The following PDE4D variants were observed in gnomAD, a reference collection of about 807,000 sequenced individuals.
The protein encoded by PDE4D is 3',5'-cyclic-AMP phosphodiesterase 4D.
Under a neutral mutation model 87.4 loss-of-function variants are expected in PDE4D, and 24 were observed. The observed-to-expected ratio is 0.27, with a 90% CI of 0.20 to 0.39. PDE4D has a LOEUF of 0.39. PDE4D is among the 10% of genes least tolerant of loss of function. PDE4D has a pLI of 1.00. For missense variants in PDE4D, 714 were observed against 1,041.0 expected (o/e 0.69, Z 4.32); for synonymous variants, 384 against 383.2 (o/e 1.00, Z -0.02).
intron 1 of PDE4D, among the ~76,000 whole-genome samples, chr5:59,778,213 C>T (rs570719044): frequency 9.9e-5 from 15 of 152,218 alleles, no homozygotes; most frequent in African/African-American, 3.1e-4. Flanking sequence ...ATGAAACATG[C>T]GAAGGACACT....
At chr5:60,035,033 A>G (rs974988653) in intron 2 of PDE4D, among the ~76,000 whole-genome samples, 2 of 152,142 alleles carry the variant, frequency 1.3e-5, no homozygotes, top group Non-Finnish European at 2.9e-5. Flanking sequence ...AGGCGGGAGG[A>G]TCACCTGAAG....
At chr5:60,022,009 G>T (rs556815156) in intron 2 of PDE4D, among the ~76,000 whole-genome samples, 2 of 152,252 alleles carry the variant, frequency 1.3e-5, no homozygotes, top group South Asian at 4.1e-4. Context: ...CATCACACCT[G>T]GCTGAATATT....
chr5:59,732,238 C>A (rs1198847755), intron 1 of PDE4D, among the ~76,000 whole-genome samples: 1 of 152,118 alleles, frequency 6.6e-6, no homozygotes, highest in Non-Finnish European at 1.5e-5. Flanking sequence ...TCACTTTCCT[C>A]TTCCTCTGTT....
At chr5:59,278,379 G>A (rs1765215391) in intron 1 of PDE4D, among the ~76,000 whole-genome samples, 1 of 152,040 alleles carries the variant, frequency 6.6e-6, no homozygotes, top group African/African-American at 2.4e-5. Flanking sequence ...GAACCATGTG[G>A]CCCATGCTTT....
chr5:59,943,779 C>G (rs931185869), intron 3 of PDE4D, among the ~76,000 whole-genome samples: 1 of 152,132 alleles, frequency 6.6e-6, no homozygotes, highest in African/African-American at 2.4e-5. Flanking sequence ...GTTCCCTGCC[C>G]CTAAGGAATG....
intron 1 of PDE4D, among the ~76,000 whole-genome samples, chr5:59,581,371 TGTAA>T (rs1335374233): frequency 6.6e-6 from 1 of 152,168 alleles, no homozygotes; most frequent in Non-Finnish European, 1.5e-5. Flanking sequence ...TCAACATTAG[TGTAA>T]GTAACTCAGT....
At position 59,759,560 on chromosome 5, in the gene PDE4D, T is replaced by C. The variant is rs376703840; in HGVS notation, c.455+133608A>G. On this transcript the variant is annotated intron_variant, in intron 1 of 14. Coordinates refer to ENST00000340635, the MANE Select transcript of PDE4D (RefSeq NM_001104631.2). ...CTTAAACATGACAAGCCAATCGGCATGTTCTTTAAAAGGAAAATCTTCCTC... is the reference window on the plus strand; with the variant it reads ...CTTAAACATGACAAGCCAATCGGCACGTTCTTTAAAAGGAAAATCTTCCTC... Among the ~76,000 whole-genome samples the C allele has an allele frequency of 1.8e-4, 27 of 152,326 alleles. No individual in the cohort carries two copies. The East Asian group carries it at 2.7e-3, about 15-fold the overall frequency.
At chr5:59,065,432 C>T (rs1763789257) in intron 5 of PDE4D, among the ~76,000 whole-genome samples, 1 of 151,920 alleles carries the variant, frequency 6.6e-6, no homozygotes, top group East Asian at 1.9e-4. Context: ...ATCAACAATA[C>T]TATATTGTAT....
chr5:60,131,169 T>TAC (rs1779534108), intron 2 of PDE4D, among the ~76,000 whole-genome samples: 1 of 152,224 alleles, frequency 6.6e-6, no homozygotes, highest in Admixed American at 6.5e-5. Flanking sequence ...TTTTCTTTCA[T>TAC]TTAATGTTTT....
intron 1 of PDE4D, among the ~76,000 whole-genome samples, chr5:60,268,344 T>G (rs572448487): frequency 6.6e-6 from 1 of 152,298 alleles, no homozygotes; most frequent in East Asian, 1.9e-4. Context: ...ACCACTGACT[T>G]AGAAGCCACT....
chr5:60,243,505 T>C (rs1340177582), intron 1 of PDE4D, among the ~76,000 whole-genome samples: 1 of 151,672 alleles, frequency 6.6e-6, no homozygotes, highest in Non-Finnish European at 1.5e-5. Flanking sequence ...CAAAGACACA[T>C]CAAGAAAAGA....
chr5:60,427,741 A>T (rs1743843288), intron 1 of PDE4D, among the ~76,000 whole-genome samples: 1 of 152,196 alleles, frequency 6.6e-6, no homozygotes. Flanking sequence ...GGGTTATGAC[A>T]TGTTAAAATA....
chr5:59,709,117 G>T (rs1753849461), intron 1 of PDE4D, among the ~76,000 whole-genome samples: 1 of 152,100 alleles, frequency 6.6e-6, no homozygotes, highest in South Asian at 2.1e-4. Flanking sequence ...TTGCATGGAA[G>T]TAAAGGAACT....
chr5:59,480,192 C>T (rs1057197151), intron 1 of PDE4D, among the ~76,000 whole-genome samples: 1 of 150,924 alleles, frequency 6.6e-6, no homozygotes, highest in Non-Finnish European at 1.5e-5. Flanking sequence ...TATAGTACTC[C>T]AAGCTTTTTT....
At chr5:59,222,758 C>T (rs72765918) in intron 1 of PDE4D, among the ~76,000 whole-genome samples, 10,104 of 152,258 alleles carry the variant, frequency 0.066, 368 homozygotes, top group Non-Finnish European at 0.072. Context: ...GGTTCAGCCA[C>T]TTCCTATTTG....
chr5:60,077,911 G>T (rs768056799), intron 2 of PDE4D, among the ~76,000 whole-genome samples: 11 of 152,108 alleles, frequency 7.2e-5, no homozygotes, highest in Non-Finnish European at 1.5e-4. Flanking sequence ...ACCAGGAACC[G>T]GTCCTGGTGT....
chr5:59,096,574 C>G (rs1388430167), intron 5 of PDE4D, among the ~76,000 whole-genome samples: 1 of 152,094 alleles, frequency 6.6e-6, no homozygotes, highest in Non-Finnish European at 1.5e-5. Flanking sequence ...GAGATGCTCT[C>G]TTTTTTTGTT....
chr5:60,278,591 T>C (rs2149740529), intron 1 of PDE4D, among the ~76,000 whole-genome samples: 1 of 152,236 alleles, frequency 6.6e-6, no homozygotes, highest in African/African-American at 2.4e-5. Context: ...GTTTTGTTTT[T>C]CCCATTTATT....
chr5:60,322,207 T>C (rs6862804), intron 1 of PDE4D, among the ~76,000 whole-genome samples: 221 of 152,212 alleles, frequency 1.5e-3, no homozygotes, highest in African/African-American at 5.2e-3. Flanking sequence ...ATATACACCA[T>C]GGAATACTAT....
Sources: allele counts gnomAD v4.1 joint callset (sites outside exome capture counted in the v4.1 genomes callset), GRCh38; gene constraint gnomAD v4.1.1; transcripts MANE v1.5; gene names NCBI Gene and HGNC (gene_info 2026-07-23, HGNC 2026-07-21).